DPP10: variants seen among roughly 807,000 people sequenced by gnomAD.
DPP10 encodes the protein dipeptidyl peptidase like 10, also known as inactive dipeptidyl peptidase 10.
In DPP10, 33 loss-of-function variants were observed where a neutral mutation model predicts 120.9. The ratio of observed to expected loss-of-function variants is 0.27; its 90% CI spans 0.21 to 0.37. DPP10 has a LOEUF of 0.37. Among genes scored for constraint, DPP10 ranks in the 10% least tolerant of loss-of-function variants. The pLI, the probability that DPP10 is intolerant of heterozygous loss-of-function variation, is 1.00. For missense variants in DPP10, 816 were observed against 942.8 expected, an observed-to-expected ratio of 0.87 and a Z score of 1.76; for synonymous variants, 337 against 326.1, an observed-to-expected ratio of 1.03 and a Z score of -0.36.
intron 2 of DPP10, among the ~76,000 whole-genome samples, chr2:115,336,822 A>G (rs979029053): frequency 1.3e-5 from 2 of 151,928 alleles, no homozygotes; most frequent in Non-Finnish European, 2.9e-5. Flanking sequence ...ATGATTTACA[A>G]TCTAATATTT....
chr2:115,012,699 G>C (rs1341390094), intron 1 of DPP10, among the ~76,000 whole-genome samples: 1 of 152,284 alleles, frequency 6.6e-6, no homozygotes, highest in Admixed American at 6.5e-5. Context: ...TTGAATCTTA[G>C]ATCTTCTCTC....
At chr2:114,609,707 AACT>A (rs1259562109) in intron 1 of DPP10, among the ~76,000 whole-genome samples, 1 of 152,170 alleles carries the variant, frequency 6.6e-6, no homozygotes, top group African/African-American at 2.4e-5. Flanking sequence ...CCAAACTCCC[AACT>A]ACTAATTCCT....
intron 3 of DPP10, among the ~76,000 whole-genome samples, chr2:115,464,076 T>C (rs1001990179): frequency 2.0e-5 from 3 of 151,984 alleles, no homozygotes; most frequent in Non-Finnish European, 2.9e-5. Context: ...GCTTCAATTG[T>C]TATAGGGTCC....
At chr2:115,159,416 T>G (rs2052136495) in intron 1 of DPP10, among the ~76,000 whole-genome samples, 1 of 152,156 alleles carries the variant, frequency 6.6e-6, no homozygotes, top group African/African-American at 2.4e-5. Context: ...AAAACAGAAC[T>G]GCAAATACTC....
At chr2:114,779,362 G>A (rs768479996) in intron 1 of DPP10, among the ~76,000 whole-genome samples, 2 of 152,176 alleles carry the variant, frequency 1.3e-5, no homozygotes, top group Admixed American at 6.5e-5. Flanking sequence ...TGTTTGTTCA[G>A]TATGGCTTTT....
In DPP10 at chr2:114,937,262, G is replaced by A. The variant is rs534698039; in HGVS notation, c.61-371977G>A. On this transcript the variant is annotated intron_variant, in intron 1 of 25. Transcript: ENST00000410059. Reference sequence around the variant, plus strand: ...TCTAATCCAACTTGAGTTGATTTTTGTATAAGGTGAGAGATGAGGATCCAG... The same window carrying A: ...TCTAATCCAACTTGAGTTGATTTTTATATAAGGTGAGAGATGAGGATCCAG... 2.0e-5 allele frequency among the ~76,000 whole-genome samples: 3 copies of A among 152,212 alleles called. 1 individual carries two copies. In the South Asian group the frequency reaches 6.2e-4, roughly 32 times the overall value.
intron 3 of DPP10, among the ~76,000 whole-genome samples, chr2:115,492,717 C>A (rs1417433241): frequency 6.6e-6 from 1 of 151,974 alleles, no homozygotes; most frequent in East Asian, 1.9e-4. Context: ...TGGTATAGAT[C>A]GTTTCAATTC....
chr2:115,381,438 C>T (rs576692220), intron 3 of DPP10, among the ~76,000 whole-genome samples: 3 of 152,224 alleles, frequency 2.0e-5, no homozygotes, highest in East Asian at 1.9e-4. Context: ...ATTGGTTATT[C>T]TAGTTATACA....
chr2:115,480,604 T>A lies in DPP10; in HGVS notation c.272-18906T>A, dbSNP rs2075369217. On this transcript the variant is annotated intron_variant, in intron 3 of 25. Coordinates refer to ENST00000410059, the MANE Select transcript of DPP10 (RefSeq NM_020868.6). Reference sequence around the variant, plus strand: ...CTTTTATCATATTTGTGCTTCCAGCTGTGCCAAGAGCAAATGTTATAGAGT... The same window carrying A: ...CTTTTATCATATTTGTGCTTCCAGCAGTGCCAAGAGCAAATGTTATAGAGT... Among the ~76,000 whole-genome samples, 4 of 152,272 alleles carry A rather than the reference T, an allele frequency of 2.6e-5. No individual in the cohort carries two copies. In the South Asian group the frequency reaches 8.3e-4, roughly 32 times the overall value.
chr2:115,202,507 T>C (rs1235857494), intron 1 of DPP10, among the ~76,000 whole-genome samples: 3 of 152,218 alleles, frequency 2.0e-5, no homozygotes, highest in Non-Finnish European at 4.4e-5. Context: ...ATACTTCCAG[T>C]GGACCTACTT....
intron 1 of DPP10, among the ~76,000 whole-genome samples, chr2:115,230,716 G>A (rs2057694673): frequency 6.6e-6 from 1 of 151,882 alleles, no homozygotes; most frequent in African/African-American, 2.4e-5. Context: ...TTTATTTGTT[G>A]TATTTTTTGG....
At chr2:115,842,170 T>G in intron 25 of DPP10, 41 bp from the exon 26 acceptor site, 1 of 1,538,314 alleles carries the variant, frequency 6.5e-7, no homozygotes, top group East Asian at 2.3e-5. Flanking sequence ...GACAATAGCT[T>G]CTTGGATAAT....
At chr2:115,210,635 A>G (rs981035040) in intron 1 of DPP10, among the ~76,000 whole-genome samples, 7 of 152,192 alleles carry the variant, frequency 4.6e-5, no homozygotes, top group Non-Finnish European at 1.5e-5. Context: ...CATCCCACCA[A>G]CAGTGTAAAA....
chr2:115,797,931 A>G lies in DPP10; in HGVS notation c.1700+6575A>G, dbSNP rs991361541. 1.3e-4 allele frequency among the ~76,000 whole-genome samples: 18 copies of G among 139,936 alleles called. No homozygotes were observed. The Admixed American group carries it at 1.3e-3, about 10-fold the overall frequency. The allele number at this position is 139,936 out of a possible 152,430, so 91.8% of individuals were successfully genotyped here. On this transcript the variant is annotated intron_variant, in intron 19 of 25. Transcript: ENST00000410059. ...TGTTTATTTTAACTGGAATATATAT[A>G]TATGTGTATATATGTGTGTGTGTGT...
chr2:114,763,372 G>A lies in DPP10; in HGVS notation c.60+320534G>A, dbSNP rs557675333. On this transcript the variant is annotated intron_variant, in intron 1 of 25. Transcript: ENST00000410059. ...TTTCTTTTTCCTCTTATGGCCTTCA[G>A]CGGGCGCTAACACTGGTTGGCAGAA... Among the ~76,000 whole-genome samples the A allele has an allele frequency of 6.6e-5, 10 of 152,338 alleles. No homozygotes were observed. The East Asian group carries it at 1.9e-3, about 29-fold the overall frequency.
At chr2:114,468,070 A>G (rs774231304) in intron 1 of DPP10, among the ~76,000 whole-genome samples, 8 of 152,138 alleles carry the variant, frequency 5.3e-5, no homozygotes, top group Non-Finnish European at 1.2e-4. Context: ...TCCCTCTGTT[A>G]GCCATTTATT....
intron 1 of DPP10, among the ~76,000 whole-genome samples, chr2:114,811,126 G>A (rs1685137012): frequency 1.3e-5 from 2 of 152,264 alleles, no homozygotes; most frequent in Admixed American, 6.5e-5. Context: ...TCACAGGACA[G>A]GAGAAGATGT....
At chr2:115,214,151 C>G (rs1042397614) in intron 1 of DPP10, among the ~76,000 whole-genome samples, 1 of 152,084 alleles carries the variant, frequency 6.6e-6, no homozygotes, top group Non-Finnish European at 1.5e-5. Context: ...CTGGAGAGTG[C>G]CATGCAAATT....
intron 1 of DPP10, among the ~76,000 whole-genome samples, chr2:115,251,623 AG>A (rs1336099710): frequency 6.6e-6 from 1 of 152,214 alleles, no homozygotes; most frequent in Non-Finnish European, 1.5e-5. Context: ...TATTAGGAAA[AG>A]TAAGAGAATG....
Sources: gnomAD v4.1 joint callset for allele counts (sites outside exome capture counted in the v4.1 genomes callset) on GRCh38, gnomAD v4.1.1 for gene constraint, MANE v1.5 for transcripts, NCBI Gene and HGNC (gene_info 2026-07-23, HGNC 2026-07-21) for gene names.